The following FN1 variants were observed in gnomAD, a reference collection of about 807,000 sequenced individuals.
FN1 encodes fibronectin 1.
A neutral mutation model predicts 297.3 loss-of-function variants in FN1; 106 were observed. The observed-to-expected ratio is 0.36, with a 90% CI of 0.30 to 0.42. The LOEUF is 0.42. FN1 is among the 10% of genes least tolerant of loss of function. The probability of loss-of-function intolerance (pLI) is 1.00; values close to 1 mark genes in which losing one functional copy is unlikely to be tolerated. For synonymous variants in FN1, 1,149 were observed against 1,152.6 expected, an observed-to-expected ratio of 1.00 and a Z score of 0.06; for missense variants, 2,690 against 3,124.9, an observed-to-expected ratio of 0.86 and a Z score of 3.32.
chr2:215,377,067 TGAGA>T (rs201766014), intron 35 of FN1, among the ~76,000 whole-genome samples: 4 of 139,112 alleles, frequency 2.9e-5, no homozygotes, highest in Non-Finnish European at 6.2e-5. Context: ...TATGTGTGTG[TGAGA>T]GAGAGAGAGA....
At chr2:215,420,335 T>C (rs1438440962) in intron 11 of FN1, among the ~76,000 whole-genome samples, 4 of 139,762 alleles carry the variant, frequency 2.9e-5, no homozygotes, top group South Asian at 2.6e-4. Flanking sequence ...CGAAACTCTC[T>C]CTCAAAAAAA....
chr2:215,370,598 G>A, intron 40 of FN1, 166 bp from the exon 41 acceptor site: 3 of 646,786 alleles, frequency 4.6e-6, no homozygotes, highest in Non-Finnish European at 5.2e-6. Flanking sequence ...CTAACCAGCT[G>A]AGGAGAGAAA....
chr2:215,433,467 G>A lies in FN1; in HGVS notation c.278-6C>T, dbSNP rs1454111280. 6.2e-7 allele frequency: 1 copy of A among 1,613,466 alleles called. No individual in the cohort carries two copies. The highest frequency in any genetic ancestry group is 8.5e-7 in the Non-Finnish European group (1 of 1,179,740). On this transcript the variant is annotated splice_region_variant and splice_polypyrimidine_tract_variant and intron_variant, in intron 2 of 45. Coordinates refer to ENST00000354785, the MANE Select transcript of FN1 (RefSeq NM_212482.4). Reference sequence around the variant, plus strand: ...GTCAAAGCAAGTCTCTTCAGCTGAGGGGAAAAGGAAAGTCCATGTGAGCCT... The same window carrying A: ...GTCAAAGCAAGTCTCTTCAGCTGAGAGGAAAAGGAAAGTCCATGTGAGCCT...
chr2:215,388,702 C>T (rs1175171657), intron 26 of FN1, among the ~76,000 whole-genome samples: 1 of 152,182 alleles, frequency 6.6e-6, no homozygotes, highest in East Asian at 1.9e-4. Flanking sequence ...GTAGTTTGCT[C>T]CTTTTAAAAG....
At chr2:215,422,603 A>G (rs552502412) in intron 9 of FN1, among the ~76,000 whole-genome samples, 4 of 152,316 alleles carry the variant, frequency 2.6e-5, no homozygotes, top group African/African-American at 9.6e-5. Flanking sequence ...AATAAAAACT[A>G]TGGGTTTGGA....
intron 2 of FN1, 84 bp downstream of exon 2, chr2:215,434,612 G>T: frequency 6.8e-7 from 1 of 1,470,864 alleles, no homozygotes; most frequent in South Asian, 1.1e-5. Flanking sequence ...AATGGTGTAT[G>T]TATTTTTACT....
chr2:215,416,541 C>T (rs182599100), intron 12 of FN1, among the ~76,000 whole-genome samples: 8 of 152,146 alleles, frequency 5.3e-5, no homozygotes, highest in Non-Finnish European at 7.4e-5. Flanking sequence ...ATATCATGTC[C>T]TTAATTATTT....
chr2:215,433,572 C>T (rs2066910872), intron 2 of FN1, 111 bp from the exon 3 acceptor site: 1 of 1,029,814 alleles, frequency 9.7e-7, no homozygotes, highest in East Asian at 2.6e-5. Flanking sequence ...TAACATGGTA[C>T]ACCTCAAAGA....
At chr2:215,435,571 C>A in intron 1 of FN1, 84 bp downstream of exon 1, 1 of 1,579,096 alleles carries the variant, frequency 6.3e-7, no homozygotes, top group Admixed American at 1.7e-5. Context: ...CACACGCGCG[C>A]GCACAAAACT....
At chr2:215,419,495 C>T in intron 11 of FN1, 110 bp from the exon 12 acceptor site, 8 of 924,398 alleles carry the variant, frequency 8.7e-6, no homozygotes, top group Admixed American at 1.8e-5. Context: ...TGCAATTGTT[C>T]TTACAAATAT....
intron 13 of FN1, among the ~76,000 whole-genome samples, chr2:215,414,279 G>C (rs2106344535): frequency 6.6e-6 from 1 of 152,170 alleles, no homozygotes; most frequent in African/African-American, 2.4e-5. Flanking sequence ...AAATCACAGG[G>C]CTATTGTTTA....
At chr2:215,401,246 GAAAGGAAGAAAGA>G (rs754149359) in intron 20 of FN1, among the ~76,000 whole-genome samples, 1,084 of 63,440 alleles carry the variant, frequency 0.017, 30 homozygotes, top group South Asian at 0.028. Context: ...AAGAAAGAAA[GAAAGGAAGAAAGA>G]AAGGAAGGAA....
At chr2:215,412,380 T>C (rs2062780457) in intron 13 of FN1, among the ~76,000 whole-genome samples, 1 of 152,162 alleles carries the variant, frequency 6.6e-6, no homozygotes, top group African/African-American at 2.4e-5. Context: ...ATTTGTTTCA[T>C]TTGTCAACAA....
intron 24 of FN1, 91 bp downstream of exon 24, chr2:215,394,437 T>G: frequency 8.9e-7 from 1 of 1,120,112 alleles, no homozygotes; most frequent in Non-Finnish European, 1.4e-6. Flanking sequence ...CCAAATATAG[T>G]TGACACCCTT....
rs748276504 is a variant in FN1, at chr2:215,404,581, G to A, written c.3061C>T (p.Arg1021Trp). 22 of 1,613,872 alleles carry A rather than the reference G, an allele frequency of 1.4e-5. No homozygotes were observed. In the Admixed American group the frequency reaches 2.7e-4, roughly 20 times the overall value. The change falls in exon 20 of 46, where the codon CGG becomes TGG. Residue 1021 changes from arginine (R) to tryptophan (W), a missense_variant. Arg to Trp is a moderately radical substitution (Grantham distance 101). Transcript: ENST00000354785. The part of the protein sequence containing the change: ...STVLVRWTPP[R>W]AQITGYRLTV... Reference sequence around the variant, plus strand: ...AGTCGGTATCCTGTTATCTGGGCCCGAGGTGGAGTCCATCTCACCAGGACA... The same window carrying A: ...AGTCGGTATCCTGTTATCTGGGCCCAAGGTGGAGTCCATCTCACCAGGACA...
At chr2:215,390,812 A>G (rs2059628855) in intron 26 of FN1, among the ~76,000 whole-genome samples, 1 of 152,238 alleles carries the variant, frequency 6.6e-6, no homozygotes, top group Non-Finnish European at 1.5e-5. Flanking sequence ...TTCATTATCT[A>G]AATTATGTTT....
chr2:215,408,426 T>C lies in FN1; in HGVS notation c.2300A>G (p.Asp767Gly), dbSNP rs1247379388. 1.7e-5 allele frequency: 27 copies of C among 1,613,968 alleles called. No homozygotes were observed. In the East Asian group the frequency reaches 6.0e-4, roughly 36 times the overall value. ...SEEGDEPQYL[D>G]LPSTATSVNI... ...CACAGAAGTGGCTGTGCTTGGAAGA[T>C]CTTTGAAATGAAAAGAAAAGGTAAC... Residue 767 changes from aspartate to glycine, a missense_variant and splice_region_variant, in exon 16 of 46, where the codon GAT becomes GGT. Physicochemically the swap from Asp to Gly is moderately conservative, Grantham distance 94 (BLOSUM62 -1). Around this residue, in one of 3 missense-constraint regions of FN1, gnomAD observed 876 missense variants for 1,058.1 expected, o/e 0.83. Transcript: ENST00000354785.
At chr2:215,421,101 A>G (rs751249875) in intron 10 of FN1, 17 of 365,422 alleles carry the variant, frequency 4.7e-5, no homozygotes, top group Non-Finnish European at 7.8e-5. Context: ...GAACAAATAC[A>G]TGTCTTACTT....
intron 1 of FN1, among the ~76,000 whole-genome samples, chr2:215,435,168 T>A (rs1042341262): frequency 1.3e-5 from 2 of 152,180 alleles, no homozygotes; most frequent in African/African-American, 4.8e-5. Context: ...TGGTGAAGTA[T>A]CCTGAGCGGC....
Sources: allele counts gnomAD v4.1 joint callset (sites outside exome capture counted in the v4.1 genomes callset), GRCh38; gene constraint gnomAD v4.1.1; regional missense constraint gnomAD v4.1.1; transcripts MANE v1.5; gene names NCBI Gene and HGNC (gene_info 2026-07-23, HGNC 2026-07-21).